CTSH: variants seen among roughly 807,000 people sequenced by gnomAD.
The protein encoded by CTSH is cathepsin H, also known as pro-cathepsin H.
In CTSH, 52 loss-of-function variants were observed where a neutral mutation model predicts 56.3. The observed-to-expected ratio is 0.92, with a 90% confidence interval of 0.74 to 1.16. The LOEUF (loss-of-function observed/expected upper bound fraction) is 1.16. Ranked by LOEUF, CTSH falls within the 50% of genes most tolerant of loss-of-function variation. The pLI is 0.00. For synonymous variants in CTSH, 174 were observed against 155.7 expected (o/e 1.12, Z -0.88); for missense variants, 406 against 424.5 (o/e 0.96, Z 0.38).
At chr15:78,940,212 CCATGT>C (rs1285884538) in intron 1 of CTSH, among the ~76,000 whole-genome samples, 1 of 152,218 alleles carries the variant, frequency 6.6e-6, no homozygotes, top group African/African-American at 2.4e-5. Context: ...CCGTATTTCC[CCATGT>C]ATGTTCTTAT....
At chr15:78,923,653 T>A (rs918188735) in intron 10 of CTSH, among the ~76,000 whole-genome samples, 3 of 152,172 alleles carry the variant, frequency 2.0e-5, no homozygotes. Context: ...GGCCCGTGTC[T>A]CACCCCTGAC....
rs941324595 is a variant in CTSH, at chr15:78,922,199, G to T, written c.939C>A (p.Phe313Leu). The T allele has an allele frequency of 2.5e-6, 4 of 1,575,882 alleles. No homozygotes were observed. Among genetic ancestry groups the T allele is most frequent in the Non-Finnish European group, 3.4e-6 (4 of 1,161,156 alleles). ...ACATGTTCTTTCCGCGCTCGATGAG[G>T]AAGTACCTGGGCAGAAAGAGGAGCT... Reference protein sequence around the residue: ...WGPQWGMNGYFLIERGKNMCG... With the variant: ...WGPQWGMNGYLLIERGKNMCG... Residue 313 changes from phenylalanine to leucine, a missense_variant, in exon 12 of 12, where the codon TTC becomes TTA. Physicochemically the swap from Phe to Leu is conservative, Grantham distance 22 (BLOSUM62 0). Transcript: ENST00000220166.
chr15:78,931,931 C>T, intron 6 of CTSH: 1 of 1,178,172 alleles, frequency 8.5e-7, no homozygotes, highest in Non-Finnish European at 1.1e-6. Flanking sequence ...CCTCCTTTCT[C>T]CACAGAGGCA....
chr15:78,923,235 G>T, intron 10 of CTSH, 117 bp from the exon 11 acceptor site: 1 of 1,116,232 alleles, frequency 9.0e-7, no homozygotes. Flanking sequence ...GCGGACCAGG[G>T]AGGCATGTAA....
Position 78,927,704 on chromosome 15 carries a change from G to GT in CTSH, c.699+8_699+9insA. The GT allele has an allele frequency of 6.2e-7, 1 of 1,613,472 alleles. No individual in the cohort carries two copies. The highest frequency in any genetic ancestry group is 8.5e-7 in the Non-Finnish European group (1 of 1,179,478). On this transcript the variant is annotated intron_variant, in intron 9 of 11. Coordinates refer to ENST00000220166, the MANE Select transcript of CTSH (RefSeq NM_004390.5). ...ACATTCCCCATCCCAGAGGGGGATCGGCACTCACGATTGTGATGTTGGCTA... is the reference window on the plus strand; with the variant it reads ...ACATTCCCCATCCCAGAGGGGGATCGTGCACTCACGATTGTGATGTTGGCTA...
intron 4 of CTSH, 23 bp from the exon 5 acceptor site, chr15:78,935,105 T>G (rs1567369641): frequency 2.6e-6 from 4 of 1,540,736 alleles, no homozygotes; most frequent in Non-Finnish European, 2.7e-6. Context: ...AACACATTAT[T>G]TTCAGGAAAA....
At position 78,921,876 on chromosome 15, in the gene CTSH, G is replaced by A. The variant is rs1267408308; in HGVS notation, c.*254C>T. ...CCTTCTGGACAGAAAGAATATTCGT[G>A]GTCCATGTGGTTTGAGTCTGTTAAG... On this transcript the variant is annotated 3_prime_UTR_variant, in exon 12 of 12. Transcript: ENST00000220166. The A allele has an allele frequency of 1.9e-6, 1 of 520,088 alleles. No homozygotes were observed. Among genetic ancestry groups the A allele is most frequent in the Non-Finnish European group, 3.4e-6 (1 of 291,838 alleles). The allele number at this position is 520,088 out of a possible 1,614,324, so 32.2% of individuals were successfully genotyped here.
chr15:78,928,396 C>T (rs2054964007), intron 8 of CTSH, among the ~76,000 whole-genome samples: 1 of 140,862 alleles, frequency 7.1e-6, no homozygotes, highest in Non-Finnish European at 1.6e-5. Flanking sequence ...GAAACCCTGT[C>T]TCTACTAAAA....
intron 1 of CTSH, among the ~76,000 whole-genome samples, chr15:78,941,782 T>C (rs4426323): frequency 0.99 from 148,228 of 149,294 alleles, 73,595 homozygotes; most frequent in Non-Finnish European, 1. Flanking sequence ...GGCGACAGAA[T>C]GAGACTCCGT....
At chr15:78,934,893 G>A (rs758005960) in intron 5 of CTSH, 85 bp downstream of exon 5, 21 of 888,318 alleles carry the variant, frequency 2.4e-5, no homozygotes, top group South Asian at 4.0e-5. Flanking sequence ...TGGTGGTTTT[G>A]TGGACCTTTT....
chr15:78,944,705 C>A, intron 1 of CTSH, 186 bp downstream of exon 1: 1 of 1,175,184 alleles, frequency 8.5e-7, no homozygotes, highest in South Asian at 2.2e-5. Flanking sequence ...AAGCCGCCCA[C>A]CCTCCGAGAA....
intron 1 of CTSH, among the ~76,000 whole-genome samples, chr15:78,941,774 C>T (rs1030982108): frequency 1.0e-4 from 14 of 138,112 alleles, no homozygotes; most frequent in Admixed American, 3.1e-4. Context: ...CCAGCCTGGG[C>T]GACAGAATGA....
intron 10 of CTSH, among the ~76,000 whole-genome samples, chr15:78,923,478 A>G (rs1968582): frequency 0.1 from 15,651 of 152,196 alleles, 1,952 homozygotes; most frequent in East Asian, 0.52. Flanking sequence ...GGGTAGAGAC[A>G]GGGTTTCATC....
chr15:78,937,622 A>G, intron 2 of CTSH, 199 bp from the exon 3 acceptor site: 1 of 1,063,382 alleles, frequency 9.4e-7, no homozygotes, highest in Non-Finnish European at 1.2e-6. Context: ...ACCTGTGGCC[A>G]GAATGAAGAC....
chr15:78,934,924 T>C (rs777312265), intron 5 of CTSH, 54 bp downstream of exon 5: 80 of 1,133,630 alleles, frequency 7.1e-5, no homozygotes, highest in Non-Finnish European at 1.0e-4. Context: ...TCCTGGTGTA[T>C]TGTCTGGGAG....
At chr15:78,930,582 C>T (rs7496812) in intron 7 of CTSH, among the ~76,000 whole-genome samples, 74,521 of 151,748 alleles carry the variant, frequency 0.49, 22,226 homozygotes, top group Non-Finnish European at 0.68. Context: ...AAAATAAAAA[C>T]GGTGGGACCC....
At chr15:78,936,127 T>C (rs1356665875) in intron 3 of CTSH, among the ~76,000 whole-genome samples, 1 of 151,854 alleles carries the variant, frequency 6.6e-6, no homozygotes, top group Non-Finnish European at 1.5e-5. Context: ...TAATTTGGTC[T>C]CTACACAGCC....
In CTSH at chr15:78,927,756, C is replaced by G. The variant is rs780861241; in HGVS notation, c.656G>C (p.Gly219Ala). ...ATCCTTGACAAAGCCGATGGCCTTT[C>G]CAGGTTGGAACTTGCAATAACCATC... ...GKDGYCKFQP[G>A]KAIGFVKDVA... Residue 219 changes from glycine to alanine, a missense_variant, in exon 9 of 12, where the codon GGA becomes GCA. Physicochemically the swap from Gly to Ala is moderately conservative, Grantham distance 60 (BLOSUM62 0). Coordinates refer to ENST00000220166, the MANE Select transcript of CTSH (RefSeq NM_004390.5). 1 of 1,614,190 alleles carries G rather than the reference C, an allele frequency of 6.2e-7. No individual in the cohort carries two copies. The highest frequency in any genetic ancestry group is 8.5e-7 in the Non-Finnish European group (1 of 1,180,026).
chr15:78,932,994 C>T (rs2055097594), intron 5 of CTSH, among the ~76,000 whole-genome samples: 2 of 152,214 alleles, frequency 1.3e-5, no homozygotes, highest in Admixed American at 6.5e-5. Flanking sequence ...AACCCTAGCC[C>T]AGTGCTGACC....
Sources: allele counts gnomAD v4.1 joint callset (sites outside exome capture counted in the v4.1 genomes callset), GRCh38; gene constraint gnomAD v4.1.1; transcripts MANE v1.5; gene names NCBI Gene and HGNC (gene_info 2026-07-23, HGNC 2026-07-21).